The following TRIM65 variants were observed in gnomAD, a reference collection of about 807,000 sequenced individuals.
TRIM65 encodes E3 ubiquitin-protein ligase TRIM65.
TRIM65 carries 46 observed loss-of-function variants against 36.1 expected under a neutral mutation model. That is an observed-to-expected ratio of 1.27 (90% CI 1.01 to 1.63). The LOEUF (loss-of-function observed/expected upper bound fraction) is 1.63. Among genes scored for constraint, TRIM65 ranks in the 40% most tolerant of loss-of-function variants. The pLI, the probability that TRIM65 is intolerant of heterozygous loss-of-function variation, is 0.00. For missense variants in TRIM65, 708 were observed against 696.6 expected, an observed-to-expected ratio of 1.02 and a Z score of -0.18; for synonymous variants, 346 against 313.6, an observed-to-expected ratio of 1.10 and a Z score of -1.09.
chr17:75,895,270 C>T (rs1271193278), intron 1 of TRIM65, among the ~76,000 whole-genome samples: 11 of 152,174 alleles, frequency 7.2e-5, no homozygotes, highest in South Asian at 2.1e-4. Flanking sequence ...CTTCCCTGAT[C>T]CCCAGCTGGT....
At position 75,891,139 on chromosome 17, in the gene TRIM65, G is replaced by A. The variant is rs766145778; in HGVS notation, c.1194C>T (p.Gly398=). 12 of 1,608,184 alleles carry A rather than the reference G, an allele frequency of 7.5e-6. No individual in the cohort carries two copies. In the Admixed American group the frequency reaches 1.3e-4, roughly 18 times the overall value. ...ACCGTGGCAGTTGCGGGTAGGAGAC[G>A]CCCAGTGTCACCGAGTGGTCTGACG... The part of the protein sequence containing the change: ...VRASDHSVTL[G]VSYPQLPRCR... The change falls in exon 6 of 6, where the codon GGC becomes GGT. Residue 398 remains glycine, a synonymous_variant. Coordinates refer to ENST00000269383, the MANE Select transcript of TRIM65 (RefSeq NM_173547.4).
chr17:75,896,829 G>A lies in TRIM65; in HGVS notation c.109C>T (p.Arg37Trp), dbSNP rs1416424642. 2.0e-6 allele frequency: 3 copies of A among 1,522,288 alleles called. No homozygotes were observed. Among genetic ancestry groups the A allele is most frequent in the African/African-American group, 1.4e-5 (1 of 70,406 alleles). 94.3% of individuals were successfully genotyped at this position (1,522,288 alleles called of 1,614,324 possible). ...CGHNFCGACI[R>W]DWWDRCGKAC... ...TTTCCGCAGCGGTCCCACCAGTCCC[G>A]GATGCAGGCCCCGCAGAAGTTGTGG... Residue 37 changes from arginine (R) to tryptophan (W), a missense_variant, in exon 1 of 6, where the codon CGG becomes TGG. Arg to Trp is a moderately radical substitution (Grantham distance 101). Coordinates refer to ENST00000269383, the MANE Select transcript of TRIM65 (RefSeq NM_173547.4).
At chr17:75,894,361 C>T (rs1458094425) in intron 1 of TRIM65, among the ~76,000 whole-genome samples, 2 of 152,218 alleles carry the variant, frequency 1.3e-5, no homozygotes, top group East Asian at 3.9e-4. Context: ...GTCAAGGGCA[C>T]GGACCACCTC....
At position 75,882,851 on chromosome 17, in the gene TRIM65, C is replaced by T. The variant is rs563588236; in HGVS notation, c.350-2222G>A. Reference sequence around the variant, plus strand: ...TGCTTGAGAAAAAAAGGAAAAAAATCAAACAAAAACAAGTGGCTGGGTGTG... The same window carrying T: ...TGCTTGAGAAAAAAAGGAAAAAAATTAAACAAAAACAAGTGGCTGGGTGTG... On this transcript the variant is annotated intron_variant, in intron 4 of 4. Transcript: ENST00000591668. 4.0e-5 allele frequency among the ~76,000 whole-genome samples: 6 copies of T among 149,962 alleles called. 1 individual carries two copies. Among genetic ancestry groups the T allele is most frequent in the African/African-American group, 1.5e-4 (6 of 39,554 alleles).
downstream of TRIM65, among the ~76,000 whole-genome samples, chr17:75,888,121 A>G (rs1032670978): frequency 6.6e-6 from 1 of 151,798 alleles, no homozygotes; most frequent in Admixed American, 6.6e-5. Flanking sequence ...GAGCCACTGC[A>G]CTCCAGCCTG....
In TRIM65 at chr17:75,881,676, T is replaced by G. The variant is rs574986302; in HGVS notation, c.350-1047A>C. Among the ~76,000 whole-genome samples the G allele has an allele frequency of 2.1e-4, 31 of 150,738 alleles. 3 individuals are homozygous for G. The highest frequency in any genetic ancestry group is 7.7e-4 in the African/African-American group (31 of 40,078). On this transcript the variant is annotated intron_variant, in intron 4 of 4. Coordinates refer to the TRIM65 transcript ENST00000591668. Reference sequence around the variant, plus strand: ...TCTGAGGGTACACACACATTCAGACTGTTGCAACTCCAAGTGCCAAAAGAG... The same window carrying G: ...TCTGAGGGTACACACACATTCAGACGGTTGCAACTCCAAGTGCCAAAAGAG...
chr17:75,893,038 G>C (rs966117478), intron 1 of TRIM65, among the ~76,000 whole-genome samples, 188 bp from the exon 2 acceptor site: 11 of 152,236 alleles, frequency 7.2e-5, no homozygotes, highest in African/African-American at 2.7e-4. Context: ...GGGGGGTCCA[G>C]ACAAAGTCCT....
chr17:75,891,101 G>T lies in TRIM65; in HGVS notation c.1232C>A (p.Pro411His), dbSNP rs1383257144. Residue 411 changes from proline to histidine, a missense_variant, in exon 6 of 6, where the codon CCC becomes CAC. Pro to His is a moderately conservative substitution (Grantham distance 77). Coordinates refer to ENST00000269383, the MANE Select transcript of TRIM65 (RefSeq NM_173547.4). ...TCCCCGGCCAATGTTGTCTGTGTGG[G>T]GCCCCAGCCTGCACCGTGGCAGTTG... ...YPQLPRCRLG[P>H]HTDNIGRGPC... The T allele has an allele frequency of 1.2e-6, 2 of 1,610,000 alleles. No individual in the cohort carries two copies. Among genetic ancestry groups the T allele is most frequent in the East Asian group, 2.2e-5 (1 of 44,872 alleles).
At position 75,891,104 on chromosome 17, in the gene TRIM65, C is replaced by T. The variant is rs201246439; in HGVS notation, c.1229G>A (p.Gly410Glu). 6.8e-6 allele frequency: 11 copies of T among 1,609,806 alleles called. No individual in the cohort carries two copies. In the South Asian group the frequency reaches 1.2e-4, roughly 18 times the overall value. ...SYPQLPRCRL[G>E]PHTDNIGRGP... ...CCGGCCAATGTTGTCTGTGTGGGGC[C>T]CCAGCCTGCACCGTGGCAGTTGCGG... The change falls in exon 6 of 6, where the codon GGG (glycine) becomes GAG (glutamate). Residue 410 changes from glycine (G) to glutamate (E), a missense_variant. By Grantham distance (98) the Gly-to-Glu change is moderately conservative. Coordinates refer to ENST00000269383, the MANE Select transcript of TRIM65 (RefSeq NM_173547.4).
intron 2 of TRIM65, 52 bp downstream of exon 2, chr17:75,892,702 GC>G: frequency 6.6e-7 from 1 of 1,522,222 alleles, no homozygotes. Flanking sequence ...GCTGGTGGCC[GC>G]CCCAGGATGC....
chr17:75,892,501 C>G lies in TRIM65; in HGVS notation c.511-1G>C. 6.2e-7 allele frequency: 1 copy of G among 1,613,204 alleles called. No individual in the cohort carries two copies. The highest frequency in any genetic ancestry group is 1.1e-5 in the South Asian group (1 of 90,948). On this transcript the variant is annotated splice_acceptor_variant, in intron 2 of 5. Transcript: ENST00000269383. LOFTEE classifies it high-confidence loss of function. ...AGGAGGCCAAGATGCAGGCCGAGTT[C>G]TGGGCGGGAACAGGAGGGGCTTCAG...
At chr17:75,882,478 G>A (rs1426786932) in intron 4 of TRIM65, among the ~76,000 whole-genome samples, 1 of 150,478 alleles carries the variant, frequency 6.6e-6, no homozygotes, top group African/African-American at 2.5e-5. Flanking sequence ...CAAAGTGCTG[G>A]GATTACAGAC....
chr17:75,896,736 C>T lies in TRIM65; in HGVS notation c.202G>A (p.Gly68Ser). 1 of 1,469,008 alleles carries T rather than the reference C, an allele frequency of 6.8e-7. No individual in the cohort carries two copies. The highest frequency in any genetic ancestry group is 9.0e-7 in the Non-Finnish European group (1 of 1,114,980). 91.0% of individuals were successfully genotyped at this position (1,469,008 alleles called of 1,614,324 possible). A position where few individuals can be genotyped will look rare whatever the true frequency, so the allele number is the denominator to read the frequency against. The change falls in exon 1 of 6, where the codon GGC becomes AGC. Residue 68 changes from glycine (G) to serine (S), a missense_variant. Transcript: ENST00000269383. Reference sequence around the variant, plus strand: ...CCGGCGCGCACCACCTCCAGCACGCCGCTGAGGGCCACGTTGCGGCGCAGC... The same window carrying T: ...CCGGCGCGCACCACCTCCAGCACGCTGCTGAGGGCCACGTTGCGGCGCAGC... ...AELRRNVALS[G>S]VLEVVRAGPA...
rs151318251 is a variant in TRIM65, at chr17:75,891,856, C to T, written c.942G>A (p.Pro314=). The part of the protein sequence containing the change: ...APVEAPGPLA[P]VPSTVCPLRR... ...TCAGTGGACAAACTGTGCTTGGGAC[C>T]GGTGCCAGGGGACCTGGGGCCTCTA... The change falls in exon 5 of 6, where the codon CCG becomes CCA. Residue 314 remains proline (P), a synonymous_variant. Coordinates refer to ENST00000269383, the MANE Select transcript of TRIM65 (RefSeq NM_173547.4). 120 of 1,612,534 alleles carry T rather than the reference C, an allele frequency of 7.4e-5. No homozygotes were observed. Among genetic ancestry groups the T allele is most frequent in the African/African-American group, 1.1e-4 (8 of 74,858 alleles).
chr17:75,892,785 T>A lies in TRIM65; in HGVS notation c.480A>T (p.Leu160=). The A allele has an allele frequency of 6.2e-7, 1 of 1,604,664 alleles. No individual in the cohort carries two copies. The stretch of plus-strand genomic sequence containing the variant: ...TCTGGCTGCTTTGCTTGCGCAGCTC[T>A]AGTAGCTGGCCTTCGGCCTGGGTGG... ...QQATQAEGQL[L]ELRKQSSQIQ... The change falls in exon 2 of 6, where the codon CTA becomes CTT. Residue 160 remains leucine, a synonymous_variant. Coordinates refer to ENST00000269383, the MANE Select transcript of TRIM65 (RefSeq NM_173547.4).
rs2065351404 is a variant in TRIM65 at position 75,896,639 on chromosome 17, C to T, written c.299G>A (p.Arg100Gln). The stretch of plus-strand genomic sequence containing the variant: ...GGTCCGGCAGAAGAGCTCCAGCGGC[C>T]GCCCGTGGCGGGGGCAGCGCGCGGC... The part of the protein sequence containing the change: ...DPAARCPRHG[R>Q]PLELFCRTEG... The change falls in exon 1 of 6, where the codon CGG becomes CAG. Residue 100 changes from arginine to glutamine, a missense_variant. Coordinates refer to ENST00000269383, the MANE Select transcript of TRIM65 (RefSeq NM_173547.4). 3.2e-6 allele frequency: 4 copies of T among 1,242,308 alleles called. No individual in the cohort carries two copies. Among genetic ancestry groups the T allele is most frequent in the Middle Eastern group, 6.2e-4 (2 of 3,250 alleles). 77.0% of individuals were successfully genotyped at this position (1,242,308 alleles called of 1,614,324 possible).
Position 75,896,599 on chromosome 17 carries a change from C to T in TRIM65, c.339G>A (p.Val113=). The change falls in exon 1 of 6, where the codon GTG becomes GTA. Residue 113 remains valine, a synonymous_variant. Transcript: ENST00000269383. ...ELFCRTEGRC[V]CSVCTVRECR... is the part of the protein sequence containing the mutation. ...ACTCGCGCACGGTGCACACGCTGCA[C>T]ACACAGCGGCCCTCGGTCCGGCAGA... is the stretch of plus-strand genomic sequence containing the variant. 1.6e-6 allele frequency: 2 copies of T among 1,278,092 alleles called. No homozygotes were observed. The highest frequency in any genetic ancestry group is 2.0e-6 in the Non-Finnish European group (2 of 1,015,122). 79.2% of individuals were successfully genotyped at this position (1,278,092 alleles called of 1,614,324 possible).
rs1430027235 is a variant in TRIM65 at position 75,890,373 on chromosome 17, C to T, written c.*406G>A. 1 of 162,114 alleles carries T rather than the reference C, an allele frequency of 6.2e-6. No homozygotes were observed. Among genetic ancestry groups the T allele is most frequent in the Non-Finnish European group, 1.3e-5 (1 of 75,202 alleles). The allele number at this position is 162,114 out of a possible 1,614,324, so 10.0% of individuals were successfully genotyped here. ...AGGCGGGGAGGAGGGAGGAATCTGT[C>T]TCCCCCTGGGACTACTCTGGCTCAC... On this transcript the variant is annotated 3_prime_UTR_variant, in exon 6 of 6. Coordinates refer to ENST00000269383, the MANE Select transcript of TRIM65 (RefSeq NM_173547.4).
chr17:75,891,057 A>G lies in TRIM65; in HGVS notation c.1276T>C (p.Cys426Arg). 6.2e-7 allele frequency: 1 copy of G among 1,612,580 alleles called. No homozygotes were observed. Among genetic ancestry groups the G allele is most frequent in the Non-Finnish European group, 8.5e-7 (1 of 1,179,736 alleles). Residue 426 changes from cysteine to arginine, a missense_variant, in exon 6 of 6, where the codon TGC (cysteine) becomes CGC (arginine). By Grantham distance (180) the Cys-to-Arg change is radical. Transcript: ENST00000269383. Reference protein sequence around the residue: ...IGRGPCSWGLCVQEDSLQAWH... With the variant: ...IGRGPCSWGLRVQEDSLQAWH... ...GCCTGGAGGCTGTCCTCCTGGACGCAGAGCCCCCAGGAGCAGGGTCCCCGG... is the reference window on the plus strand; with the variant it reads ...GCCTGGAGGCTGTCCTCCTGGACGCGGAGCCCCCAGGAGCAGGGTCCCCGG...
Sources: allele counts gnomAD v4.1 joint callset (sites outside exome capture counted in the v4.1 genomes callset), GRCh38; gene constraint gnomAD v4.1.1; transcripts MANE v1.5; gene names NCBI Gene and HGNC (gene_info 2026-07-23, HGNC 2026-07-21).